Variants in SPSB1 observed in about 807,000 individuals in gnomAD.
SPSB1 encodes the protein SPRY domain-containing SOCS box protein 1.
SPSB1 carries 8 observed loss-of-function variants against 21.2 expected under a neutral mutation model. The observed-to-expected ratio is 0.38, with a 90% CI of 0.22 to 0.68. SPSB1 has a LOEUF of 0.68. Ranked by LOEUF, SPSB1 falls within the 30% of genes least tolerant of loss-of-function variation. The pLI is 0.53. For missense variants in SPSB1, 242 were observed against 377.8 expected (o/e 0.64, Z 2.98); for synonymous variants, 169 against 161.7 (o/e 1.05, Z -0.34).
At chr1:9,330,945 T>A (rs1639907533) in intron 1 of SPSB1, among the ~76,000 whole-genome samples, 1 of 150,672 alleles carries the variant, frequency 6.6e-6, no homozygotes, top group South Asian at 2.1e-4. Context: ...CTTTTTTTTT[T>A]ACATACTTAA....
intron 1 of SPSB1, among the ~76,000 whole-genome samples, chr1:9,304,104 G>A (rs189486372): frequency 2.4e-4 from 36 of 152,336 alleles, no homozygotes; most frequent in African/African-American, 8.4e-4. Context: ...TGGAAGAAGG[G>A]CGAATCCTGG....
At chr1:9,355,717 C>A in intron 1 of SPSB1, 26 bp from the exon 2 acceptor site, 1 of 1,347,546 alleles carries the variant, frequency 7.4e-7, no homozygotes. Context: ...TCCTGCTCAC[C>A]GGTTGTTTGT....
intron 1 of SPSB1, among the ~76,000 whole-genome samples, chr1:9,306,925 T>C (rs201233051): frequency 1.9e-4 from 5 of 26,458 alleles, no homozygotes; most frequent in Non-Finnish European, 2.7e-4. Context: ...TTTTCTTCTT[T>C]TCTTCTTTTT....
intron 1 of SPSB1, among the ~76,000 whole-genome samples, chr1:9,320,601 T>C (rs1342240709): frequency 6.6e-6 from 1 of 152,192 alleles, no homozygotes; most frequent in Non-Finnish European, 1.5e-5. Flanking sequence ...CTCTCTTCCA[T>C]TTTGCAAGTA....
chr1:9,296,941 A>G (rs1167408953), intron 1 of SPSB1, among the ~76,000 whole-genome samples: 2 of 152,354 alleles, frequency 1.3e-5, no homozygotes, highest in East Asian at 3.9e-4. Context: ...AACGTTAAAA[A>G]TAAATGAGTC....
Position 9,336,781 on chromosome 1 carries a change from G to A in SPSB1, c.-149-18962G>A, listed in dbSNP as rs535028670. Among the ~76,000 whole-genome samples the A allele has an allele frequency of 1.1e-4, 16 of 152,314 alleles. No individual in the cohort carries two copies. The South Asian group carries it at 3.3e-3, about 32-fold the overall frequency. Reference sequence around the variant, plus strand: ...ACTGCCCTTTGCTGCCTTTTCATTCGGTGATGAAACTGCACTGCTCCCTGG... The same window carrying A: ...ACTGCCCTTTGCTGCCTTTTCATTCAGTGATGAAACTGCACTGCTCCCTGG... On this transcript the variant is annotated intron_variant, in intron 1 of 2. Transcript: ENST00000328089.
intron 1 of SPSB1, among the ~76,000 whole-genome samples, chr1:9,344,957 C>T (rs544772763): frequency 6.6e-6 from 1 of 152,180 alleles, no homozygotes. Context: ...CACTGGCTCC[C>T]ATTCAGGCCT....
chr1:9,311,160 G>GTTT (rs34507567), intron 1 of SPSB1, among the ~76,000 whole-genome samples: 2 of 133,534 alleles, frequency 1.5e-5, no homozygotes, highest in Non-Finnish European at 3.2e-5. Flanking sequence ...AGGATAAAGG[G>GTTT]TTTTTTTTTT....
intron 1 of SPSB1, among the ~76,000 whole-genome samples, chr1:9,308,743 A>T (rs1248690548): frequency 6.6e-6 from 1 of 151,806 alleles, no homozygotes; most frequent in Non-Finnish European, 1.5e-5. Context: ...CTTTTTTTTT[A>T]GAGAGGTTTT....
rs758483422 is a variant in SPSB1 at position 9,348,733 on chromosome 1, G to A, written c.-149-7010G>A. 1.1e-4 allele frequency among the ~76,000 whole-genome samples: 17 copies of A among 151,914 alleles called. No homozygotes were observed. The highest frequency in any genetic ancestry group is 2.1e-4 in the Non-Finnish European group (14 of 67,990). On this transcript the variant is annotated intron_variant, in intron 1 of 2. Transcript: ENST00000328089. This position sits in a 1 kb window ranked among gnomAD's most constrained non-coding sequence, Gnocchi z 4.8. ...CCCAGACAACCTTAAATGGCTGTTC[G>A]AAGCTGGCCGAGGGAGTACGGGGCT...
chr1:9,334,223 T>C lies in SPSB1; in HGVS notation c.-149-21520T>C, dbSNP rs183134153. On this transcript the variant is annotated intron_variant, in intron 1 of 2. Coordinates refer to ENST00000328089, the MANE Select transcript of SPSB1 (RefSeq NM_025106.4). ...GCCTCAGCCTCCTGAGTAGCTGGGA[T>C]TACAGGCGCCCACCACGACACCTGG... is the stretch of plus-strand genomic sequence containing the variant. Among the ~76,000 whole-genome samples, 144 of 151,900 alleles carry C rather than the reference T, an allele frequency of 9.5e-4. 1 individual carries two copies. The East Asian group carries it at 0.018, about 19-fold the overall frequency.
At chr1:9,331,008 A>ATC (rs1338540808) in intron 1 of SPSB1, among the ~76,000 whole-genome samples, 1 of 151,396 alleles carries the variant, frequency 6.6e-6, no homozygotes. Context: ...GTAGTTCCAT[A>ATC]CCTCCCTGCC....
intron 2 of SPSB1, among the ~76,000 whole-genome samples, chr1:9,366,487 T>C (rs1640573434): frequency 6.6e-6 from 1 of 152,020 alleles, no homozygotes; most frequent in Admixed American, 6.5e-5. Flanking sequence ...GCTAAGGGCA[T>C]GGACGCTGGG....
chr1:9,305,206 C>T lies in SPSB1; in HGVS notation c.-150+12135C>T, dbSNP rs939943984. ...TCACACTCTTCATGCTGCCTGGTCC[C>T]GCCTCGGCTGGCCCGTTCCTACCGG... is the stretch of plus-strand genomic sequence containing the variant. On this transcript the variant is annotated intron_variant, in intron 1 of 2. Transcript: ENST00000328089. The surrounding 1 kb of genome is among the most constrained non-coding windows in gnomAD (Gnocchi z 4.8). 2.0e-5 allele frequency among the ~76,000 whole-genome samples: 3 copies of T among 152,310 alleles called. No individual in the cohort carries two copies. Among genetic ancestry groups the T allele is most frequent in the Non-Finnish European group, 4.4e-5 (3 of 68,018 alleles).
intron 1 of SPSB1, among the ~76,000 whole-genome samples, chr1:9,334,463 C>T (rs188800803): frequency 7.5e-4 from 114 of 152,264 alleles, no homozygotes; most frequent in Non-Finnish European, 1.5e-3. Context: ...TCAAGTGATC[C>T]GCCTGCCTTG....
At chr1:9,336,418 G>T (rs1413519751) in intron 1 of SPSB1, among the ~76,000 whole-genome samples, 2 of 152,020 alleles carry the variant, frequency 1.3e-5, no homozygotes, top group Non-Finnish European at 2.9e-5. Context: ...TAGAGATGGG[G>T]TTTCTCCACG....
At chr1:9,351,764 C>T (rs1229687829) in intron 1 of SPSB1, among the ~76,000 whole-genome samples, 3 of 152,222 alleles carry the variant, frequency 2.0e-5, no homozygotes, top group Non-Finnish European at 4.4e-5. Flanking sequence ...AAGGCACTGT[C>T]ATCTTTAACC....
chr1:9,329,171 T>C (rs1639873204), intron 1 of SPSB1, among the ~76,000 whole-genome samples: 1 of 151,840 alleles, frequency 6.6e-6, no homozygotes, highest in Non-Finnish European at 1.5e-5. Flanking sequence ...TATGAAGCAG[T>C]GTGAGGGGCA....
chr1:9,305,536 A>G lies in SPSB1; in HGVS notation c.-150+12465A>G, dbSNP rs1399783966. On this transcript the variant is annotated intron_variant, in intron 1 of 2. Transcript: ENST00000328089. This position sits in a 1 kb window ranked among gnomAD's most constrained non-coding sequence, Gnocchi z 4.8. ...AAGGAGTAGGTAAGACCGGTGGCGT[A>G]GTGGATCCTAGCAGGGTCTGGGAGA... 6.6e-6 allele frequency among the ~76,000 whole-genome samples: 1 copy of G among 152,136 alleles called. No individual in the cohort carries two copies.
Sources: gnomAD v4.1 joint callset for allele counts (sites outside exome capture counted in the v4.1 genomes callset) on GRCh38, gnomAD v4.1.1 for gene constraint, Gnocchi (gnomAD v3.1) non-coding constraint, MANE v1.5 for transcripts, NCBI Gene and HGNC (gene_info 2026-07-23, HGNC 2026-07-21) for gene names.